The following ZNF678 variants were observed in gnomAD, a reference collection of about 807,000 sequenced individuals.
The protein encoded by ZNF678 is hypothetical protein MGC42493.
A neutral mutation model predicts 3.0 loss-of-function variants in ZNF678; 5 were observed. The observed-to-expected ratio is 1.69, with a 90% CI of 0.88 to 3.56. ZNF678 has a LOEUF of 3.56. Among genes scored for constraint, ZNF678 ranks in the 30% most tolerant of loss-of-function variants. ZNF678 has a pLI of 0.00. For synonymous variants in ZNF678, 218 were observed against 199.6 expected (o/e 1.09, Z -0.78); for missense variants, 593 against 605.0 (o/e 0.98, Z 0.21).
At chr1:227,671,454 T>C (rs1026772773) in intron 5 of ZNF678, among the ~76,000 whole-genome samples, 2 of 152,186 alleles carry the variant, frequency 1.3e-5, no homozygotes, top group Admixed American at 6.5e-5. Flanking sequence ...CCAATAGGGC[T>C]GAATTTTTTT....
Position 227,610,515 on chromosome 1 carries a change from T to G in ZNF678, c.-163-36029T>G, listed in dbSNP as rs188847571. 5.5e-4 allele frequency among the ~76,000 whole-genome samples: 84 copies of G among 152,276 alleles called. 2 individuals are homozygous for G. Among genetic ancestry groups the G allele is most frequent in the Admixed American group, 5.5e-3 (84 of 15,302 alleles). ...ACATACCCAGTGTAGTTCACCAGTC[T>G]TGTTGTGCCCATGAATGGACTTGGA... On this transcript the variant is annotated intron_variant, in intron 1 of 3. Transcript: ENST00000343776.
At chr1:227,635,318 G>A (rs1245001001) in intron 1 of ZNF678, among the ~76,000 whole-genome samples, 1 of 152,166 alleles carries the variant, frequency 6.6e-6, no homozygotes, top group Non-Finnish European at 1.5e-5. Context: ...AAAAGGTAGA[G>A]CATCCTATTC....
rs763900577 is a variant in ZNF678 at position 227,638,524 on chromosome 1, T to C, written c.-163-8020T>C. The stretch of plus-strand genomic sequence containing the variant: ...AACTGGGTGGGCTCTTTAAGGGTAA[T>C]GCAGACGGTGGTGTGGTGTTTTGCG... On this transcript the variant is annotated intron_variant, in intron 1 of 3. Coordinates refer to ENST00000343776, the MANE Select transcript of ZNF678 (RefSeq NM_001367909.1). This position sits in a 1 kb window ranked among gnomAD's most constrained non-coding sequence, Gnocchi z 4.2. Among the ~76,000 whole-genome samples, 2 of 152,090 alleles carry C rather than the reference T, an allele frequency of 1.3e-5. No homozygotes were observed. Among genetic ancestry groups the C allele is most frequent in the Non-Finnish European group, 1.5e-5 (1 of 68,006 alleles).
chr1:227,633,741 G>A (rs1016837546), intron 1 of ZNF678, among the ~76,000 whole-genome samples: 2 of 152,202 alleles, frequency 1.3e-5, no homozygotes, highest in African/African-American at 4.8e-5. Flanking sequence ...AAGCCTTGCA[G>A]CTGTGGGCTA....
chr1:227,586,135 T>C (rs1418341413), intron 1 of ZNF678, among the ~76,000 whole-genome samples: 3 of 152,104 alleles, frequency 2.0e-5, no homozygotes, highest in South Asian at 2.1e-4. Context: ...TGCCCTATGA[T>C]TGAGTCTGTG....
At chr1:227,675,833 A>T (rs1053702369) in intron 5 of ZNF678, among the ~76,000 whole-genome samples, 1 of 152,222 alleles carries the variant, frequency 6.6e-6, no homozygotes, top group African/African-American at 2.4e-5. Context: ...AAAAACAAAA[A>T]TGCAGCTGAA....
chr1:227,655,723 T>A lies in ZNF678; in HGVS notation c.1473T>A (p.Cys491Ter). The change falls in exon 4 of 4, where the codon TGT (cysteine) becomes TGA (stop). Residue 491 changes from cysteine to a stop codon, truncating the protein, a stop_gained. Transcript: ENST00000343776. LOFTEE classifies it low-confidence loss of function (END_TRUNC). ...RIHTGEKRYK[C>*]KECGKGFYQS... ...ATACTGGAGAGAAACGCTACAAATG[T>A]AAAGAATGTGGAAAAGGTTTTTACC... 1 of 1,612,564 alleles carries A rather than the reference T, an allele frequency of 6.2e-7. No homozygotes were observed. The highest frequency in any genetic ancestry group is 8.5e-7 in the Non-Finnish European group (1 of 1,179,102).
chr1:227,664,419 C>T (rs1041022617), downstream of ZNF678, among the ~76,000 whole-genome samples: 3 of 152,096 alleles, frequency 2.0e-5, no homozygotes, highest in Non-Finnish European at 2.9e-5. Context: ...TTGCTTTCCC[C>T]AACACACGGT....
chr1:227,620,243 T>C (rs77466017), intron 1 of ZNF678, among the ~76,000 whole-genome samples: 2,385 of 152,286 alleles, frequency 0.016, 73 homozygotes, highest in African/African-American at 0.054. Context: ...GAGTAAACTG[T>C]AGATAAAACA....
At chr1:227,565,683 A>G (rs575908321) in intron 1 of ZNF678, among the ~76,000 whole-genome samples, 1 of 152,338 alleles carries the variant, frequency 6.6e-6, no homozygotes, top group Non-Finnish European at 1.5e-5. Flanking sequence ...TATCTTTCCT[A>G]GGCACAGACG....
chr1:227,595,900 TCAAAAC>T (rs1003760195), intron 1 of ZNF678, among the ~76,000 whole-genome samples: 2 of 151,918 alleles, frequency 1.3e-5, no homozygotes, highest in Admixed American at 6.6e-5. Context: ...TTAAACCAAG[TCAAAAC>T]CAAAACCAAA....
At chr1:227,582,758 G>T (rs1657163167) in intron 1 of ZNF678, among the ~76,000 whole-genome samples, 1 of 152,032 alleles carries the variant, frequency 6.6e-6, no homozygotes, top group Admixed American at 6.6e-5. Context: ...TATGTGTGTG[G>T]CCTGAGATAA....
At chr1:227,673,044 C>A (rs1211340391) in intron 5 of ZNF678, among the ~76,000 whole-genome samples, 1 of 152,144 alleles carries the variant, frequency 6.6e-6, no homozygotes, top group South Asian at 2.1e-4. Flanking sequence ...CTGTATCATC[C>A]TCATAAATGG....
At chr1:227,669,646 C>CAA (rs113306077) in intron 5 of ZNF678, among the ~76,000 whole-genome samples, 18,687 of 138,174 alleles carry the variant, frequency 0.14, 1,314 homozygotes, top group Middle Eastern at 0.27. Flanking sequence ...GAGACCGTCT[C>CAA]AAAAAAAAAA....
chr1:227,613,789 C>CTAG (rs1658080242), intron 1 of ZNF678, among the ~76,000 whole-genome samples: 1 of 152,122 alleles, frequency 6.6e-6, no homozygotes, highest in South Asian at 2.1e-4. Context: ...TGTTGGAGTC[C>CTAG]TCTACTGTGT....
At chr1:227,623,724 G>A (rs1257552311) in intron 1 of ZNF678, among the ~76,000 whole-genome samples, 1 of 152,086 alleles carries the variant, frequency 6.6e-6, no homozygotes, top group Non-Finnish European at 1.5e-5. Context: ...GTACAGAAAT[G>A]TTTATTTTTG....
At position 227,661,180 on chromosome 1, in the gene ZNF678, A is replaced by G. The variant is rs776914602; in HGVS notation, c.*5352A>G. ...ATGCCAAGTGTCTGGAAATGTGACT[A>G]TTCAGATTAAATGCTTAATGTGTGT... On this transcript the variant is annotated 3_prime_UTR_variant, in exon 4 of 4. Transcript: ENST00000343776. The G allele has an allele frequency of 6.6e-6, 1 of 152,186 alleles. No individual in the cohort carries two copies. Among genetic ancestry groups the G allele is most frequent in the Non-Finnish European group, 1.5e-5 (1 of 68,030 alleles). The allele number at this position is 152,186 out of a possible 1,614,324, so 9.4% of individuals were successfully genotyped here.
chr1:227,641,663 C>CA (rs1658824055), intron 1 of ZNF678, among the ~76,000 whole-genome samples: 2 of 152,020 alleles, frequency 1.3e-5, no homozygotes, highest in South Asian at 4.2e-4. Context: ...AGTCACATCT[C>CA]ACAATTGTAC....
At position 227,655,736 on chromosome 1, in the gene ZNF678, A is replaced by C; in HGVS notation, c.1486A>C (p.Lys496Gln). ...EKRYKCKECGKGFYQSSIHSK... is the reference protein window; with the variant it reads ...EKRYKCKECGQGFYQSSIHSK... ...ACGCTACAAATGTAAAGAATGTGGA[A>C]AAGGTTTTTACCAATCCTCAATCCA... is the stretch of plus-strand genomic sequence containing the variant. Residue 496 changes from lysine (K) to glutamine (Q), a missense_variant, in exon 4 of 4, where the codon AAA becomes CAA. Transcript: ENST00000343776. 1 of 1,612,492 alleles carries C rather than the reference A, an allele frequency of 6.2e-7. No individual in the cohort carries two copies. The highest frequency in any genetic ancestry group is 8.5e-7 in the Non-Finnish European group (1 of 1,179,074).
Sources: gnomAD v4.1 joint callset for allele counts (sites outside exome capture counted in the v4.1 genomes callset) on GRCh38, gnomAD v4.1.1 for gene constraint, Gnocchi (gnomAD v3.1) non-coding constraint, MANE v1.5 for transcripts, NCBI Gene and HGNC (gene_info 2026-07-23, HGNC 2026-07-21) for gene names.